Variants in FLNB observed in about 807,000 individuals in gnomAD.
The protein encoded by FLNB is filamin-B.
In FLNB, 111 loss-of-function variants were observed where a neutral mutation model predicts 250.6. That is an observed-to-expected ratio of 0.44 (90% CI 0.38 to 0.52). The LOEUF is 0.52. Ranked by LOEUF, FLNB falls within the 20% of genes least tolerant of loss-of-function variation. FLNB has a pLI of 0.00. For missense variants in FLNB, 2,869 were observed against 3,447.8 expected (o/e 0.83, Z 4.20); for synonymous variants, 1,302 against 1,372.1 (o/e 0.95, Z 1.13).
chr3:58,058,818 G>A (rs1420894154), intron 1 of FLNB, among the ~76,000 whole-genome samples: 3 of 152,126 alleles, frequency 2.0e-5, no homozygotes, highest in African/African-American at 7.2e-5. Context: ...TGTGTTTATT[G>A]CCTGTGTCTC....
chr3:58,159,736 A>C (rs924083291), intron 42 of FLNB, 50 bp downstream of exon 42: 2 of 1,600,564 alleles, frequency 1.2e-6, no homozygotes, highest in Admixed American at 1.7e-5. Context: ...TTTCCAGCAG[A>C]ATGTTCCTGT....
chr3:58,016,218 G>T (rs577953724), intron 1 of FLNB, among the ~76,000 whole-genome samples: 22 of 151,918 alleles, frequency 1.4e-4, no homozygotes, highest in Non-Finnish European at 2.6e-4. Flanking sequence ...TGCACACCTG[G>T]CTAATTTTGT....
At chr3:58,145,123 T>G (rs2097333782) in intron 32 of FLNB, among the ~76,000 whole-genome samples, 1 of 152,234 alleles carries the variant, frequency 6.6e-6, no homozygotes, top group African/African-American at 2.4e-5. Flanking sequence ...AAGCGGCAGA[T>G]GGAGAGAGAG....
Position 58,121,282 on chromosome 3 carries a change from A to AG in FLNB, c.2911dup (p.Ala971GlyfsTer122). The AG allele has an allele frequency of 2.5e-6, 4 of 1,613,930 alleles. No individual in the cohort carries two copies. Among genetic ancestry groups the AG allele is most frequent in the Admixed American group, 3.3e-5 (2 of 59,984 alleles). ...GGATCAGGAGTTCACCGTTGATACC[A>AG]GGGGGGCAGGAGGCCAGGGGAAGCT... On this transcript the variant is annotated frameshift_variant, in exon 20 of 46. Transcript: ENST00000295956. LOFTEE classifies it high-confidence loss of function.
intron 1 of FLNB, among the ~76,000 whole-genome samples, chr3:58,045,108 A>C (rs139842292): frequency 2.0e-4 from 31 of 152,258 alleles, no homozygotes; most frequent in Admixed American, 6.5e-4. Context: ...CCTGACCTCT[A>C]TTAGGTGTAA....
At chr3:58,170,525 T>C in intron 45 of FLNB, 50 bp from the exon 46 acceptor site, 2 of 1,575,188 alleles carry the variant, frequency 1.3e-6, no homozygotes, top group Non-Finnish European at 8.7e-7. Context: ...CTCTTCTTCC[T>C]GTGCCTGTCC....
intron 38 of FLNB, chr3:58,150,448 C>A: frequency 1.7e-6 from 1 of 598,744 alleles, no homozygotes; most frequent in Non-Finnish European, 2.9e-6. Flanking sequence ...TTTTCCTCTT[C>A]CAAATAAAAA....
rs558317978 is a variant in FLNB at position 58,136,690 on chromosome 3, T to C, written c.4861+522T>C. On this transcript the variant is annotated intron_variant, in intron 28 of 45. Transcript: ENST00000295956. ...TTTCTTTGGTTTCTTTCTTTTTTTTTCCCCTCCTTTTTCCTTCAGTTTCTA... is the reference window on the plus strand; with the variant it reads ...TTTCTTTGGTTTCTTTCTTTTTTTTCCCCCTCCTTTTTCCTTCAGTTTCTA... Among the ~76,000 whole-genome samples, 20 of 151,454 alleles carry C rather than the reference T, an allele frequency of 1.3e-4. No homozygotes were observed. The East Asian group carries it at 1.7e-3, about 13-fold the overall frequency.
At chr3:58,043,103 A>G (rs1343301115) in intron 1 of FLNB, among the ~76,000 whole-genome samples, 5 of 143,548 alleles carry the variant, frequency 3.5e-5, no homozygotes, top group Non-Finnish European at 7.6e-5. Flanking sequence ...AACTCTAGCT[A>G]TGTAAACTGG....
chr3:58,050,607 T>G (rs996592240), intron 1 of FLNB, among the ~76,000 whole-genome samples: 2 of 152,220 alleles, frequency 1.3e-5, no homozygotes, highest in Non-Finnish European at 2.9e-5. Flanking sequence ...ACTGATTACC[T>G]GCACACTATA....
In FLNB at chr3:58,126,034, G is replaced by A. The variant is rs4681798; in HGVS notation, c.4061+291G>A. On this transcript the variant is annotated intron_variant, in intron 23 of 45. Coordinates refer to ENST00000295956, the MANE Select transcript of FLNB (RefSeq NM_001457.4). ...GTAAGTATTTTTATTAAAGTTGGTT[G>A]CAAGGCATATGCCTGCGTTGTACTT... Among the ~76,000 whole-genome samples the A allele has an allele frequency of 0.38, 58,293 of 152,056 alleles. 13,407 individuals are homozygous for A. Among genetic ancestry groups the A allele is most frequent in the East Asian group, 0.91 (4,726 of 5,178 alleles).
intron 1 of FLNB, among the ~76,000 whole-genome samples, chr3:58,048,381 A>C (rs895601585): frequency 4.6e-5 from 7 of 152,230 alleles, no homozygotes; most frequent in Non-Finnish European, 8.8e-5. Flanking sequence ...CTGCATTTCC[A>C]GCCAGCATCC....
chr3:58,166,018 A>G (rs978135348), intron 43 of FLNB: 2 of 152,038 alleles, frequency 1.3e-5, no homozygotes, highest in Non-Finnish European at 2.9e-5. Context: ...TTTAGCTCCA[A>G]GTTGGACAGA....
chr3:58,045,498 A>G (rs1420946502), intron 1 of FLNB, among the ~76,000 whole-genome samples: 1 of 152,162 alleles, frequency 6.6e-6, no homozygotes, highest in Non-Finnish European at 1.5e-5. Flanking sequence ...ATCAGCTATC[A>G]TTAGTGTTAG....
intron 18 of FLNB, among the ~76,000 whole-genome samples, chr3:58,117,599 G>A (rs1344977657): frequency 1.3e-5 from 2 of 152,132 alleles, no homozygotes; most frequent in African/African-American, 2.4e-5. Context: ...CTGAAGTAGC[G>A]AGTCAGTCCT....
chr3:58,102,994 A>G (rs1262998898), intron 9 of FLNB, among the ~76,000 whole-genome samples: 2 of 152,078 alleles, frequency 1.3e-5, no homozygotes, highest in Non-Finnish European at 2.9e-5. Flanking sequence ...CAGCACTTCT[A>G]GTCTCGGGTG....
chr3:58,147,493 AG>A (rs1236730813), intron 34 of FLNB, among the ~76,000 whole-genome samples: 1 of 152,184 alleles, frequency 6.6e-6, no homozygotes, highest in Non-Finnish European at 1.5e-5. Context: ...TTATGCTTTC[AG>A]TGGGTTATAA....
At chr3:58,069,243 TTTTTTTTTTTTTC>T (rs1197684105) in intron 1 of FLNB, among the ~76,000 whole-genome samples, 4 of 145,146 alleles carry the variant, frequency 2.8e-5, no homozygotes, top group Admixed American at 1.4e-4. Context: ...TTTTTTTTTT[TTTTTTTTTTTTTC>T]TGAGATGGAG....
intron 6 of FLNB, among the ~76,000 whole-genome samples, chr3:58,097,430 GA>G (rs1178392366): frequency 6.6e-6 from 1 of 152,070 alleles, no homozygotes; most frequent in Non-Finnish European, 1.5e-5. Flanking sequence ...TTCGTCCCTT[GA>G]AAAAACAGTT....
Sources: gnomAD v4.1 joint callset for allele counts (sites outside exome capture counted in the v4.1 genomes callset) on GRCh38, gnomAD v4.1.1 for gene constraint, MANE v1.5 for transcripts, NCBI Gene and HGNC (gene_info 2026-07-23, HGNC 2026-07-21) for gene names.